CNTNAP2: variants seen among roughly 807,000 people sequenced by gnomAD.
CNTNAP2 encodes the protein contactin associated protein 2.
In CNTNAP2, 98 loss-of-function variants were observed where a neutral mutation model predicts 155.2. That is an observed-to-expected ratio of 0.63 (90% CI 0.54 to 0.75). The LOEUF is 0.75. Among genes scored for constraint, CNTNAP2 ranks in the 30% least tolerant of loss-of-function variants. CNTNAP2 has a pLI of 0.00. For missense variants in CNTNAP2, 1,727 were observed against 1,688.1 expected (o/e 1.02, Z -0.40); for synonymous variants, 651 against 631.2 (o/e 1.03, Z -0.47).
rs568157198 is a variant in CNTNAP2 at position 146,160,214 on chromosome 7, G to C, written c.97+43241G>C. Among the ~76,000 whole-genome samples, 4 of 152,286 alleles carry C rather than the reference G, an allele frequency of 2.6e-5. No homozygotes were observed. In the South Asian group the frequency reaches 8.3e-4, roughly 32 times the overall value. On this transcript the variant is annotated intron_variant, in intron 1 of 23. Transcript: ENST00000361727. ...AGCAGTGTGTGCAGGGAAATTTATA[G>C]TACTAAGTGCCCACAAGAGAAAGCA...
At chr7:147,748,419 C>T (rs929154653) in intron 13 of CNTNAP2, among the ~76,000 whole-genome samples, 4 of 151,978 alleles carry the variant, frequency 2.6e-5, no homozygotes, top group African/African-American at 9.7e-5. Context: ...TCCAAGACAC[C>T]CCCTTTGATT....
At chr7:147,777,199 C>T (rs569093230) in intron 13 of CNTNAP2, among the ~76,000 whole-genome samples, 1 of 152,276 alleles carries the variant, frequency 6.6e-6, no homozygotes, top group East Asian at 1.9e-4. Context: ...AATTTACCTT[C>T]TTCAAGTCTA....
At chr7:146,709,752 G>A (rs1801031237) in intron 1 of CNTNAP2, among the ~76,000 whole-genome samples, 1 of 152,160 alleles carries the variant, frequency 6.6e-6, no homozygotes, top group Non-Finnish European at 1.5e-5. Context: ...CCAGACTGGA[G>A]TTGAGATTTT....
intron 20 of CNTNAP2, among the ~76,000 whole-genome samples, chr7:148,254,048 A>G (rs1259863075): frequency 2.0e-5 from 3 of 152,124 alleles, no homozygotes; most frequent in African/African-American, 7.2e-5. Context: ...GTTCAAGCCC[A>G]TGTTGTTTAA....
chr7:148,129,165 C>A (rs560669743), intron 16 of CNTNAP2, among the ~76,000 whole-genome samples: 1 of 152,246 alleles, frequency 6.6e-6, no homozygotes, highest in African/African-American at 2.4e-5. Flanking sequence ...GACACAGGCT[C>A]CCCAAGACCT....
intron 17 of CNTNAP2, among the ~76,000 whole-genome samples, chr7:148,158,267 G>A (rs1457538397): frequency 1.7e-5 from 2 of 120,956 alleles, no homozygotes; most frequent in Non-Finnish European, 1.6e-5. Flanking sequence ...TCTGTTACCA[G>A]GCTGAAGTGC....
intron 15 of CNTNAP2, among the ~76,000 whole-genome samples, chr7:148,074,604 G>A (rs1442857603): frequency 1.3e-5 from 2 of 151,952 alleles, no homozygotes; most frequent in South Asian, 2.1e-4. Context: ...CAGGCGAATC[G>A]CTTGAACTCG....
At chr7:146,496,890 A>G (rs1490005685) in intron 1 of CNTNAP2, among the ~76,000 whole-genome samples, 1 of 152,174 alleles carries the variant, frequency 6.6e-6, no homozygotes, top group African/African-American at 2.4e-5. Context: ...AGCATCTGTT[A>G]ATGTGTTCTC....
intron 1 of CNTNAP2, among the ~76,000 whole-genome samples, chr7:146,670,262 C>T (rs1340932063): frequency 6.6e-6 from 1 of 152,136 alleles, no homozygotes; most frequent in South Asian, 2.1e-4. Context: ...GGACCAACCC[C>T]ATCTTTGAAT....
At chr7:148,054,063 C>T (rs998776123) in intron 15 of CNTNAP2, among the ~76,000 whole-genome samples, 1 of 151,146 alleles carries the variant, frequency 6.6e-6, no homozygotes, top group Non-Finnish European at 1.5e-5. Context: ...AACTCTGCCT[C>T]CCGGGTTCAC....
In CNTNAP2 at chr7:147,928,775, T is replaced by C. The variant is rs182056410; in HGVS notation, c.2255+25054T>C. Among the ~76,000 whole-genome samples, 321 of 152,244 alleles carry C rather than the reference T, an allele frequency of 2.1e-3. 3 individuals are homozygous for C. The highest frequency in any genetic ancestry group is 2.4e-3 in the Non-Finnish European group (163 of 68,004). On this transcript the variant is annotated intron_variant, in intron 14 of 23. Coordinates refer to ENST00000361727, the MANE Select transcript of CNTNAP2 (RefSeq NM_014141.6). ...ATCTTATAATGTGTCTTCTATAAAATGTTCCACAGAGTTTTTTATAAAACC... is the reference window on the plus strand; with the variant it reads ...ATCTTATAATGTGTCTTCTATAAAACGTTCCACAGAGTTTTTTATAAAACC...
intron 8 of CNTNAP2, among the ~76,000 whole-genome samples, chr7:147,178,055 C>A (rs569980841): frequency 2.0e-5 from 3 of 152,092 alleles, no homozygotes; most frequent in Admixed American, 1.3e-4. Context: ...CATCCGCCCC[C>A]CCACCACGAA....
intron 13 of CNTNAP2, among the ~76,000 whole-genome samples, chr7:147,690,891 A>G (rs1387967687): frequency 2.6e-5 from 4 of 152,212 alleles, no homozygotes; most frequent in African/African-American, 7.2e-5. Context: ...TGCTTATTAT[A>G]CTTCCCCCTA....
intron 11 of CNTNAP2, among the ~76,000 whole-genome samples, chr7:147,488,744 A>G (rs914117631): frequency 6.6e-6 from 1 of 152,104 alleles, no homozygotes; most frequent in Non-Finnish European, 1.5e-5. Flanking sequence ...TGGAACAGAG[A>G]GGCCTTTTTG....
chr7:146,778,712 C>T (rs983690869), intron 2 of CNTNAP2, among the ~76,000 whole-genome samples: 2 of 152,198 alleles, frequency 1.3e-5, no homozygotes, highest in Non-Finnish European at 2.9e-5. Context: ...CATCTGTGCT[C>T]TAATTGTTTC....
Position 147,492,087 on chromosome 7 carries a change from G to C in CNTNAP2, c.1777+6046G>C, listed in dbSNP as rs1043817195. The stretch of plus-strand genomic sequence containing the variant: ...ACTCTCCAACGTTTTTGGCACCAGG[G>C]GCCAGGTTCATAGGAGACAGTTTTT... On this transcript the variant is annotated intron_variant, in intron 11 of 23. Coordinates refer to ENST00000361727, the MANE Select transcript of CNTNAP2 (RefSeq NM_014141.6). 5.3e-5 allele frequency among the ~76,000 whole-genome samples: 8 copies of C among 152,148 alleles called. 1 individual carries two copies. Among genetic ancestry groups the C allele is most frequent in the Admixed American group, 4.6e-4 (7 of 15,282 alleles).
intron 13 of CNTNAP2, among the ~76,000 whole-genome samples, chr7:147,678,574 C>G (rs1399161425): frequency 6.6e-6 from 1 of 151,762 alleles, no homozygotes; most frequent in Non-Finnish European, 1.5e-5. Flanking sequence ...CAGGACAGGT[C>G]CAAAAAATGG....
At chr7:146,160,120 A>T (rs1464707618) in intron 1 of CNTNAP2, among the ~76,000 whole-genome samples, 1 of 152,192 alleles carries the variant, frequency 6.6e-6, no homozygotes, top group East Asian at 1.9e-4. Flanking sequence ...TGAAGGCAGA[A>T]ATAAAGATGT....
chr7:146,525,121 A>G (rs1331291124), intron 1 of CNTNAP2, among the ~76,000 whole-genome samples: 2 of 152,104 alleles, frequency 1.3e-5, no homozygotes, highest in African/African-American at 4.8e-5. Context: ...GAATAAGTTG[A>G]TCATGGTTAG....
Sources: gnomAD v4.1 joint callset for allele counts (sites outside exome capture counted in the v4.1 genomes callset) on GRCh38, gnomAD v4.1.1 for gene constraint, MANE v1.5 for transcripts, NCBI Gene and HGNC (gene_info 2026-07-23, HGNC 2026-07-21) for gene names.